Variants in PMS1 observed in about 807,000 individuals in gnomAD.
The protein encoded by PMS1 is PMS1 protein homolog 1.
Under a neutral mutation model 93.1 loss-of-function variants are expected in PMS1, and 79 were observed. The ratio of observed to expected loss-of-function variants is 0.85; its 90% confidence interval spans 0.71 to 1.02. The LOEUF is 1.02. PMS1 is among the 50% of genes least tolerant of loss of function. The pLI, the probability that PMS1 is intolerant of heterozygous loss-of-function variation, is 0.00. For missense variants in PMS1, 1,064 were observed against 1,085.3 expected, an observed-to-expected ratio of 0.98 and a Z score of 0.28; for synonymous variants, 335 against 363.4, an observed-to-expected ratio of 0.92 and a Z score of 0.89.
intron 3 of PMS1, among the ~76,000 whole-genome samples, chr2:189,800,888 A>G (rs1004575571): frequency 6.6e-6 from 1 of 152,256 alleles, no homozygotes; most frequent in Non-Finnish European, 1.5e-5. Context: ...GGCTGGAGAA[A>G]TCTAAAATAC....
Position 189,854,074 on chromosome 2 carries a change from C to A in PMS1, c.958C>A (p.Gln320Lys). The A allele has an allele frequency of 6.3e-7, 1 of 1,587,362 alleles. No homozygotes were observed. Among genetic ancestry groups the A allele is most frequent in the Non-Finnish European group, 8.6e-7 (1 of 1,162,132 alleles). Reference sequence around the variant, plus strand: ...ACCAGATAAAAGCCAAGTATTATTACAAAATAAGGTAACTCTTTTCAGATA... The same window carrying A: ...ACCAGATAAAAGCCAAGTATTATTAAAAAATAAGGTAACTCTTTTCAGATA... The part of the protein sequence containing the change: ...LTPDKSQVLL[Q>K]NKESVLIALE... The change falls in exon 8 of 13, where the codon CAA becomes AAA. Residue 320 changes from glutamine (Q) to lysine (K), a missense_variant. By Grantham distance (53) the Gln-to-Lys change is moderately conservative (BLOSUM62 1). Coordinates refer to ENST00000441310, the MANE Select transcript of PMS1 (RefSeq NM_000534.5).
intron 9 of PMS1, among the ~76,000 whole-genome samples, chr2:189,862,765 T>C (rs1292215775): frequency 6.6e-6 from 1 of 152,228 alleles, no homozygotes; most frequent in Non-Finnish European, 1.5e-5. Context: ...TATCCTAAGA[T>C]GTGGCCCTCT....
At chr2:189,792,956 C>T (rs2049024668) in intron 2 of PMS1, among the ~76,000 whole-genome samples, 1 of 151,878 alleles carries the variant, frequency 6.6e-6, no homozygotes, top group African/African-American at 2.4e-5. Context: ...ATTACAGGCA[C>T]CTGTTACCAC....
At chr2:189,877,116 C>T (rs1412940862) in intron 12 of PMS1, among the ~76,000 whole-genome samples, 156 bp from the exon 13 acceptor site, 1 of 152,114 alleles carries the variant, frequency 6.6e-6, no homozygotes, top group Non-Finnish European at 1.5e-5. Context: ...CCACTACATC[C>T]CGAGAGCTGA....
At position 189,792,688 on chromosome 2, in the gene PMS1, AATATATATATATATATAT is replaced by A. The variant is rs3067428; in HGVS notation, c.132+762_132+779del. ...AAACATGTATATATATATGGACACAAATATATATATATATATATATATATATATATATGTAAAATAAAA... is the reference window on the plus strand; with the variant it reads ...AAACATGTATATATATATGGACACAAATATATATATATATGTAAAATAAAA... On this transcript the variant is annotated intron_variant, in intron 2 of 12. Transcript: ENST00000441310. Among the ~76,000 whole-genome samples the A allele has an allele frequency of 2.0e-3, 255 of 127,262 alleles. 4 individuals carry two copies. Among genetic ancestry groups the A allele is most frequent in the Admixed American group, 5.2e-3 (65 of 12,500 alleles). The allele number at this position is 127,262 out of a possible 152,430, so 83.5% of individuals were successfully genotyped here.
intron 5 of PMS1, among the ~76,000 whole-genome samples, chr2:189,831,478 A>G (rs937024329): frequency 7.9e-5 from 12 of 152,244 alleles, no homozygotes; most frequent in African/African-American, 1.7e-4. Flanking sequence ...GGAAGAATCA[A>G]TGGGACTAGC....
intron 10 of PMS1, among the ~76,000 whole-genome samples, chr2:189,865,978 C>T (rs1395900700): frequency 6.6e-6 from 1 of 152,168 alleles, no homozygotes; most frequent in African/African-American, 2.4e-5. Context: ...CACAGAAAAA[C>T]ATCTGTTAAG....
intron 4 of PMS1, 124 bp downstream of exon 4, chr2:189,805,878 G>T: frequency 6.5e-7 from 1 of 1,544,834 alleles, no homozygotes; most frequent in Non-Finnish European, 8.7e-7. Context: ...ATAAAGGCTA[G>T]TTAACTTCCA....
intron 6 of PMS1, among the ~76,000 whole-genome samples, chr2:189,845,032 A>G (rs2106419128): frequency 1.3e-5 from 2 of 151,836 alleles, no homozygotes; most frequent in East Asian, 3.9e-4. Context: ...TAATTTTTGT[A>G]TTTTTAGTGG....
intron 6 of PMS1, among the ~76,000 whole-genome samples, chr2:189,848,186 G>A (rs1352503417): frequency 6.6e-6 from 1 of 152,168 alleles, no homozygotes; most frequent in East Asian, 1.9e-4. Flanking sequence ...GCCTACAGTG[G>A]TAACCCAGGC....
intron 12 of PMS1, among the ~76,000 whole-genome samples, chr2:189,874,524 A>G (rs2057400965): frequency 6.6e-6 from 1 of 152,236 alleles, no homozygotes. Flanking sequence ...GCAGGAAAAC[A>G]ATAGTGTTTC....
In PMS1 at chr2:189,854,529, T is replaced by A. The variant is rs2055114454; in HGVS notation, c.1257T>A (p.Gly419=). The A allele has an allele frequency of 1.2e-6, 2 of 1,613,596 alleles. No individual in the cohort carries two copies. Among genetic ancestry groups the A allele is most frequent in the Admixed American group, 1.7e-5 (1 of 59,986 alleles). ...HQISIGDFGY[G]HCSSEISNID... is the part of the protein sequence containing the mutation. Reference sequence around the variant, plus strand: ...TAAGTATTGGTGACTTTGGTTATGGTCATTGTAGTAGTGAAATTTCTAACA... The same window carrying A: ...TAAGTATTGGTGACTTTGGTTATGGACATTGTAGTAGTGAAATTTCTAACA... The change falls in exon 9 of 13, where the codon GGT becomes GGA. Residue 419 remains glycine (G), a synonymous_variant. Transcript: ENST00000441310.
Position 189,854,288 on chromosome 2 carries a change from C to A in PMS1, c.1016C>A (p.Pro339Gln). 1 of 1,597,002 alleles carries A rather than the reference C, an allele frequency of 6.3e-7. No homozygotes were observed. Among genetic ancestry groups the A allele is most frequent in the Non-Finnish European group, 8.5e-7 (1 of 1,172,908 alleles). ...LENLMTTCYG[P>Q]LPSTNSYENN... ...AATCTGATGACGACTTGTTATGGACCATTACCTAGTACAAATTCTTATGAA... is the reference window on the plus strand; with the variant it reads ...AATCTGATGACGACTTGTTATGGACAATTACCTAGTACAAATTCTTATGAA... Residue 339 changes from proline to glutamine, a missense_variant, in exon 9 of 13, where the codon CCA (proline) becomes CAA (glutamine). Transcript: ENST00000441310.
At chr2:189,827,192 A>G (rs2052509902) in intron 5 of PMS1, among the ~76,000 whole-genome samples, 1 of 152,234 alleles carries the variant, frequency 6.6e-6, no homozygotes, top group Non-Finnish European at 1.5e-5. Flanking sequence ...ATAGAACAAC[A>G]TAATTGTTCC....
intron 5 of PMS1, among the ~76,000 whole-genome samples, chr2:189,838,171 CTG>C (rs2053544628): frequency 6.6e-6 from 1 of 152,040 alleles, no homozygotes; most frequent in Non-Finnish European, 1.5e-5. Context: ...ATACCTTAAA[CTG>C]TTATGTTAAG....
At chr2:189,825,204 A>G (rs550803508) in intron 5 of PMS1, among the ~76,000 whole-genome samples, 2 of 152,164 alleles carry the variant, frequency 1.3e-5, no homozygotes, top group African/African-American at 2.4e-5. Context: ...TGTTAGAAAG[A>G]GGTATTTTTC....
intron 12 of PMS1, among the ~76,000 whole-genome samples, chr2:189,875,767 A>G (rs2057506104): frequency 1.3e-5 from 2 of 152,006 alleles, no homozygotes; most frequent in Non-Finnish European, 2.9e-5. Context: ...AGCCTGGCCA[A>G]CATGGTGAAG....
rs2106212967 is a variant in PMS1, at chr2:189,791,870, G to A, written c.61G>A (p.Val21Met). 2.5e-6 allele frequency: 4 copies of A among 1,613,756 alleles called. No homozygotes were observed. Among genetic ancestry groups the A allele is most frequent in the Non-Finnish European group, 3.4e-6 (4 of 1,179,634 alleles). Reference protein sequence around the residue: ...LLSSSQIITSVVSVVKELIEN... With the variant: ...LLSSSQIITSMVSVVKELIEN... ...TTCAAGTTCTCAGATCATCACTTCG[G>A]TGGTCAGTGTTGTAAAAGAGCTTAT... The change falls in exon 2 of 13, where the codon GTG (valine) becomes ATG (methionine). Residue 21 changes from valine to methionine, a missense_variant. Physicochemically the swap from Val to Met is conservative, Grantham distance 21 (BLOSUM62 1). Coordinates refer to ENST00000441310, the MANE Select transcript of PMS1 (RefSeq NM_000534.5).
chr2:189,817,447 A>C (rs2051419138), intron 4 of PMS1, among the ~76,000 whole-genome samples: 1 of 152,112 alleles, frequency 6.6e-6, no homozygotes, highest in Non-Finnish European at 1.5e-5. Flanking sequence ...TTTTGAGTAA[A>C]AGCTAGTGGT....
Sources: gnomAD v4.1 joint callset for allele counts (sites outside exome capture counted in the v4.1 genomes callset) on GRCh38, gnomAD v4.1.1 for gene constraint, MANE v1.5 for transcripts, NCBI Gene and HGNC (gene_info 2026-07-23, HGNC 2026-07-21) for gene names.